RAD21: variants seen among roughly 807,000 people sequenced by gnomAD.
The protein encoded by RAD21 is RAD21 cohesin complex component, also known as double-strand-break repair protein rad21 homolog.
RAD21 carries 18 observed loss-of-function variants against 71.5 expected under a neutral mutation model. The observed-to-expected ratio is 0.25, with a 90% CI of 0.17 to 0.37. The LOEUF is 0.37. RAD21 is among the 10% of genes least tolerant of loss of function. RAD21 has a pLI of 1.00. For synonymous variants in RAD21, 248 were observed against 254.0 expected (o/e 0.98, Z 0.22); for missense variants, 493 against 769.1 (o/e 0.64, Z 4.25).
intron 1 of RAD21, among the ~76,000 whole-genome samples, chr8:116,870,032 C>T (rs1812778831): frequency 6.6e-6 from 1 of 152,112 alleles, no homozygotes; most frequent in South Asian, 2.1e-4. Flanking sequence ...GGCTGTGGTG[C>T]AAGACTACTG....
intron 6 of RAD21, 96 bp from the exon 7 acceptor site, chr8:116,856,867 A>G (rs1265154071): frequency 1.1e-6 from 1 of 926,136 alleles, no homozygotes; most frequent in African/African-American, 1.7e-5. Flanking sequence ...TAAAAGGGAT[A>G]AAATTTAAAC....
At chr8:116,850,279 A>G (rs916568144) in intron 12 of RAD21, among the ~76,000 whole-genome samples, 5 of 152,158 alleles carry the variant, frequency 3.3e-5, no homozygotes, top group African/African-American at 1.2e-4. Flanking sequence ...AGAAAAGGTT[A>G]TATCAGAAGC....
At chr8:116,861,730 G>A (rs1196016232) in intron 4 of RAD21, 111 bp downstream of exon 4, 4 of 670,138 alleles carry the variant, frequency 6.0e-6, no homozygotes, top group South Asian at 1.8e-5. Flanking sequence ...ATATATATAT[G>A]CATTTTAGCT....
chr8:116,851,551 T>C (rs1450554608), intron 11 of RAD21: 1 of 155,144 alleles, frequency 6.4e-6, no homozygotes, highest in Non-Finnish European at 1.4e-5. Flanking sequence ...AGTCAAAGTT[T>C]GAATGAAGCA....
chr8:116,866,518 T>C (rs943075299), intron 2 of RAD21, 68 bp downstream of exon 2: 16 of 1,489,572 alleles, frequency 1.1e-5, no homozygotes, highest in African/African-American at 5.6e-5. Context: ...AAAACTGTTT[T>C]AGAAGTTCTA....
chr8:116,859,734 T>A (rs878975265), intron 4 of RAD21, among the ~76,000 whole-genome samples: 3 of 151,838 alleles, frequency 2.0e-5, no homozygotes, highest in Non-Finnish European at 2.9e-5. Context: ...TAAGGCCAAT[T>A]AATAACCCTA....
intron 1 of RAD21, among the ~76,000 whole-genome samples, chr8:116,868,119 T>G (rs1208440072): frequency 9.9e-5 from 15 of 152,222 alleles, no homozygotes; most frequent in Admixed American, 9.8e-4. Flanking sequence ...CACAGCTCAC[T>G]GCAGCCTTGA....
chr8:116,872,705 T>C (rs16889172), intron 1 of RAD21, among the ~76,000 whole-genome samples: 1,821 of 152,336 alleles, frequency 0.012, 45 homozygotes, highest in African/African-American at 0.042. Context: ...TTCCCTACTA[T>C]GAAAACCTGA....
intron 4 of RAD21, among the ~76,000 whole-genome samples, chr8:116,859,430 G>A (rs926568627): frequency 2.6e-5 from 4 of 151,836 alleles, no homozygotes; most frequent in African/African-American, 7.3e-5. Context: ...ATGGGGGGGC[G>A]GGATCTTACT....
intron 4 of RAD21, among the ~76,000 whole-genome samples, chr8:116,859,672 T>C (rs1812547721): frequency 6.6e-6 from 1 of 151,790 alleles, no homozygotes; most frequent in Admixed American, 6.6e-5. Flanking sequence ...CCCCGCAATG[T>C]TTCTCCCTCT....
At chr8:116,860,374 C>G (rs1452120807) in intron 4 of RAD21, among the ~76,000 whole-genome samples, 1 of 152,130 alleles carries the variant, frequency 6.6e-6, no homozygotes, top group African/African-American at 2.4e-5. Flanking sequence ...GGGTAAAACG[C>G]TATCGGGTAG....
rs147610435 is a variant in RAD21 at position 116,862,612 on chromosome 8, T to C, written c.274+518A>G. On this transcript the variant is annotated intron_variant, in intron 3 of 13. Transcript: ENST00000297338. ...TAGAATAAAAATTTCATCAATGCTT[T>C]TAAAAATTATAGAAAGATATGTGAA... 1.2e-3 allele frequency among the ~76,000 whole-genome samples: 188 copies of C among 152,188 alleles called. 4 individuals are homozygous for C. In the East Asian group the frequency reaches 0.032, roughly 26 times the overall value.
In RAD21 at chr8:116,846,781, T is replaced by A. The variant is rs927335568; in HGVS notation, c.*719A>T. The A allele has an allele frequency of 9.1e-6, 2 of 219,748 alleles. No individual in the cohort carries two copies. The highest frequency in any genetic ancestry group is 4.5e-5 in the African/African-American group (2 of 44,554). 13.6% of individuals were successfully genotyped at this position (219,748 alleles called of 1,614,324 possible). On this transcript the variant is annotated 3_prime_UTR_variant, in exon 14 of 14. Transcript: ENST00000297338. The stretch of plus-strand genomic sequence containing the variant: ...TCACTCTACTCTAATCAGGCCTAGC[T>A]TTGCTCATTTTGGAGCCTCACTAAA...
rs1812326882 is a variant in RAD21, at chr8:116,850,512, T to A, written c.1620+106A>T. 8 of 1,491,072 alleles carry A rather than the reference T, an allele frequency of 5.4e-6. No individual in the cohort carries two copies. In the South Asian group the frequency reaches 1.1e-4, roughly 20 times the overall value. 92.4% of individuals were successfully genotyped at this position (1,491,072 alleles called of 1,614,324 possible). On this transcript the variant is annotated intron_variant, in intron 12 of 13. Coordinates refer to ENST00000297338, the MANE Select transcript of RAD21 (RefSeq NM_006265.3). ...AATTTTGCTTATATTCTAACATTTT[T>A]AAATAACTCTGATGCTCAGCATCAA...
Position 116,852,540 on chromosome 8 carries a change from A to G in RAD21, c.1321+9T>C. 6.3e-7 allele frequency: 1 copy of G among 1,597,936 alleles called. No homozygotes were observed. Among genetic ancestry groups the G allele is most frequent in the South Asian group, 1.1e-5 (1 of 88,024 alleles). Reference sequence around the variant, plus strand: ...AACTTCATCAAGGAACTATTCCAACAGAACAAACCGATAACATCACGCTGC... The same window carrying G: ...AACTTCATCAAGGAACTATTCCAACGGAACAAACCGATAACATCACGCTGC... On this transcript the variant is annotated intron_variant, in intron 10 of 13. Coordinates refer to ENST00000297338, the MANE Select transcript of RAD21 (RefSeq NM_006265.3).
At chr8:116,857,143 G>C in intron 6 of RAD21, 124 bp downstream of exon 6, 1 of 800,818 alleles carries the variant, frequency 1.2e-6, no homozygotes, top group Non-Finnish European at 2.0e-6. Context: ...TGAACCAACT[G>C]ATCACAATTC....
chr8:116,860,184 G>A (rs1812560216), intron 4 of RAD21, among the ~76,000 whole-genome samples: 2 of 152,238 alleles, frequency 1.3e-5, no homozygotes, highest in Middle Eastern at 3.4e-3. Context: ...CAAATGAGGA[G>A]TTACTTCTTA....
chr8:116,848,986 C>T lies in RAD21; in HGVS notation c.1664G>A (p.Arg555Lys). ...CATCTGCTGAGTCCTTTTGTTCCATCTTCTTTCTTCCTGATCTTGATCGCC... is the reference window on the plus strand; with the variant it reads ...CATCTGCTGAGTCCTTTTGTTCCATTTTCTTTCTTCCTGATCTTGATCGCC... ...SGGDQDQEER[R>K]WNKRTQQMLH... The change falls in exon 13 of 14, where the codon AGA (arginine) becomes AAA (lysine). Residue 555 changes from arginine (R) to lysine (K), a missense_variant. Coordinates refer to ENST00000297338, the MANE Select transcript of RAD21 (RefSeq NM_006265.3). 2 of 1,604,686 alleles carry T rather than the reference C, an allele frequency of 1.2e-6. No homozygotes were observed. Among genetic ancestry groups the T allele is most frequent in the Non-Finnish European group, 1.7e-6 (2 of 1,175,466 alleles).
At chr8:116,868,809 ATT>A (rs35540220) in intron 1 of RAD21, among the ~76,000 whole-genome samples, 114 of 144,722 alleles carry the variant, frequency 7.9e-4, no homozygotes, top group African/African-American at 2.6e-3. Context: ...AGTTCAACTA[ATT>A]TTTTTTTTTT....
Sources: gnomAD v4.1 joint callset for allele counts (sites outside exome capture counted in the v4.1 genomes callset) on GRCh38, gnomAD v4.1.1 for gene constraint, MANE v1.5 for transcripts, NCBI Gene and HGNC (gene_info 2026-07-23, HGNC 2026-07-21) for gene names.